The following PRPSAP2 variants were observed in gnomAD, a reference collection of about 807,000 sequenced individuals.
The protein encoded by PRPSAP2 is phosphoribosyl pyrophosphate synthetase associated protein 2, also known as phosphoribosyl pyrophosphate synthase-associated protein 2.
PRPSAP2 carries 24 observed loss-of-function variants against 40.6 expected under a neutral mutation model. The observed-to-expected ratio is 0.59, with a 90% confidence interval of 0.43 to 0.83. The LOEUF is 0.83. Ranked by LOEUF, PRPSAP2 falls within the 40% of genes least tolerant of loss-of-function variation. The pLI, the probability that PRPSAP2 is intolerant of heterozygous loss-of-function variation, is 0.00. For synonymous variants in PRPSAP2, 149 were observed against 164.7 expected (o/e 0.90, Z 0.73); for missense variants, 292 against 465.6 (o/e 0.63, Z 3.43).
chr17:18,893,741 A>G (rs975364935), intron 8 of PRPSAP2, among the ~76,000 whole-genome samples: 1 of 152,110 alleles, frequency 6.6e-6, no homozygotes, highest in African/African-American at 2.4e-5. Flanking sequence ...TTGTGTTTTT[A>G]GTAGAGACGG....
intron 8 of PRPSAP2, among the ~76,000 whole-genome samples, chr17:18,897,918 CT>C (rs1340028883): frequency 6.6e-6 from 1 of 151,094 alleles, no homozygotes; most frequent in Non-Finnish European, 1.5e-5. Flanking sequence ...TTTACTCCCC[CT>C]GTTTTTAATA....
intron 8 of PRPSAP2, among the ~76,000 whole-genome samples, chr17:18,899,693 G>A (rs916186000): frequency 3.3e-5 from 5 of 150,420 alleles, no homozygotes; most frequent in East Asian, 2.0e-4. Flanking sequence ...CGTGTCTTGC[G>A]AATTTATTTT....
intron 9 of PRPSAP2, among the ~76,000 whole-genome samples, chr17:18,916,662 A>G (rs983684398): frequency 6.6e-6 from 1 of 152,168 alleles, no homozygotes; most frequent in African/African-American, 2.4e-5. Flanking sequence ...AATTACAGGC[A>G]TGAGCCACTG....
chr17:18,894,299 A>G (rs552561892), intron 8 of PRPSAP2, among the ~76,000 whole-genome samples: 1 of 151,934 alleles, frequency 6.6e-6, no homozygotes, highest in Non-Finnish European at 1.5e-5. Flanking sequence ...AGCTGGGATT[A>G]CAGGCATGCG....
In PRPSAP2 at chr17:18,896,580, C is replaced by CTTT. The variant is rs58391876; in HGVS notation, c.584+6721_584+6723dup. On this transcript the variant is annotated intron_variant, in intron 8 of 11. Coordinates refer to ENST00000268835, the MANE Select transcript of PRPSAP2 (RefSeq NM_002767.4). The stretch of plus-strand genomic sequence containing the variant: ...TGGCCATCTCATTCCCCAGATTTTC[C>CTTT]TTTTTTTTTTTTTTTTTTTTGTCTA... Among the ~76,000 whole-genome samples the CTTT allele has an allele frequency of 6.9e-3, 728 of 104,750 alleles. 21 individuals are homozygous for CTTT. Among genetic ancestry groups the CTTT allele is most frequent in the African/African-American group, 0.021 (572 of 26,848 alleles). 68.7% of individuals were successfully genotyped at this position (104,750 alleles called of 152,430 possible).
intron 6 of PRPSAP2, among the ~76,000 whole-genome samples, chr17:18,878,635 A>G (rs12449821): frequency 0.53 from 80,396 of 151,286 alleles, 21,538 homozygotes; most frequent in Middle Eastern, 0.6. Context: ...TTCGCTCACC[A>G]CAACCTCCAC....
At chr17:18,910,019 T>C (rs910523425) in intron 8 of PRPSAP2, among the ~76,000 whole-genome samples, 1 of 152,180 alleles carries the variant, frequency 6.6e-6, no homozygotes, top group African/African-American at 2.4e-5. Context: ...CATAAATGGA[T>C]ACACTGTGAT....
chr17:18,899,221 C>A (rs1284075285), intron 8 of PRPSAP2, among the ~76,000 whole-genome samples: 2 of 151,846 alleles, frequency 1.3e-5, no homozygotes, highest in Non-Finnish European at 2.9e-5. Flanking sequence ...TGTTACAGGT[C>A]CATGGGATTC....
intron 7 of PRPSAP2, among the ~76,000 whole-genome samples, chr17:18,883,119 C>T (rs2038882269): frequency 6.6e-6 from 1 of 152,134 alleles, no homozygotes; most frequent in Non-Finnish European, 1.5e-5. Flanking sequence ...TGTCCTATCC[C>T]CCTGCCTCCT....
At chr17:18,923,787 C>A in intron 9 of PRPSAP2, 127 bp from the exon 10 acceptor site, 1 of 859,138 alleles carries the variant, frequency 1.2e-6, no homozygotes, top group South Asian at 2.1e-5. Context: ...TGCCCTTAAT[C>A]AGATTGAGGA....
chr17:18,878,615 T>G (rs1239595013), intron 6 of PRPSAP2, among the ~76,000 whole-genome samples: 1 of 152,130 alleles, frequency 6.6e-6, no homozygotes, highest in Non-Finnish European at 1.5e-5. Context: ...TGGAGTGCAA[T>G]GGCATGATCT....
chr17:18,889,761 G>A, intron 7 of PRPSAP2, 61 bp from the exon 8 acceptor site: 1 of 1,339,348 alleles, frequency 7.5e-7, no homozygotes, highest in African/African-American at 1.5e-5. Context: ...GCATTTTTGG[G>A]TCTGTTGGAA....
At position 18,911,200 on chromosome 17, in the gene PRPSAP2, C is replaced by T; in HGVS notation, c.682C>T (p.Pro228Ser). ...ESDLVDGRHS[P>S]PMVRSVAAIH... ...GGACTTGGTGGATGGACGGCATTCC[C>T]CACCCATGGTCAGAAGTGTGGCTGC... The change falls in exon 9 of 12, where the codon CCA becomes TCA. Residue 228 changes from proline to serine, a missense_variant. Pro to Ser is a moderately conservative substitution (Grantham distance 74). Coordinates refer to ENST00000268835, the MANE Select transcript of PRPSAP2 (RefSeq NM_002767.4). The surrounding 1 kb of genome is among the most constrained non-coding windows in gnomAD (Gnocchi z 4.5). 6.2e-7 allele frequency: 1 copy of T among 1,613,840 alleles called. No individual in the cohort carries two copies.
At chr17:18,920,476 G>A (rs543814380) in intron 9 of PRPSAP2, among the ~76,000 whole-genome samples, 23 of 152,182 alleles carry the variant, frequency 1.5e-4, no homozygotes, top group South Asian at 4.2e-4. Context: ...ACTACAGGCC[G>A]TCTTTGGGAA....
At chr17:18,892,668 CCTT>C (rs2039621488) in intron 8 of PRPSAP2, among the ~76,000 whole-genome samples, 1 of 146,604 alleles carries the variant, frequency 6.8e-6, no homozygotes, top group Non-Finnish European at 1.5e-5. Context: ...CTCAATCAAT[CCTT>C]CTGCCTCAGC....
rs370154326 is a variant in PRPSAP2 at position 18,913,682 on chromosome 17, G to C, written c.733+2431G>C. On this transcript the variant is annotated intron_variant, in intron 9 of 11. Transcript: ENST00000268835. ...CCCACTTCAGCCTCATGAGTAGATGGAACTACAAGCACTTGCCACCGCACC... is the reference window on the plus strand; with the variant it reads ...CCCACTTCAGCCTCATGAGTAGATGCAACTACAAGCACTTGCCACCGCACC... 1.6e-3 allele frequency among the ~76,000 whole-genome samples: 245 copies of C among 150,590 alleles called. 2 individuals carry two copies. The highest frequency in any genetic ancestry group is 5.7e-3 in the African/African-American group (234 of 40,944).
At position 18,930,703 on chromosome 17, in the gene PRPSAP2, TC is replaced by T. The variant is rs1414264910; in HGVS notation, c.*7del. The T allele has an allele frequency of 1.2e-6, 2 of 1,606,154 alleles. No homozygotes were observed. The highest frequency in any genetic ancestry group is 1.7e-6 in the Non-Finnish European group (2 of 1,175,724). ...AACATAGGCTTAGATGACTGAGTTT[TC>T]CTTTAGGAAAACTCCCGAGGGCCAA... On this transcript the variant is annotated 3_prime_UTR_variant, in exon 12 of 12. Coordinates refer to ENST00000268835, the MANE Select transcript of PRPSAP2 (RefSeq NM_002767.4).
At chr17:18,900,469 T>C (rs867874624) in intron 8 of PRPSAP2, among the ~76,000 whole-genome samples, 2 of 152,240 alleles carry the variant, frequency 1.3e-5, no homozygotes, top group South Asian at 4.1e-4. Flanking sequence ...TTTCAGCATG[T>C]CTGTCATCTT....
At chr17:18,897,478 T>TGTTGTTGTTGTTGTTG (rs765335719) in intron 8 of PRPSAP2, among the ~76,000 whole-genome samples, 1 of 151,980 alleles carries the variant, frequency 6.6e-6, no homozygotes, top group African/African-American at 2.4e-5. Context: ...TTGTTGTTGT[T>TGTTGTTGTTGTTGTTG]TAGACGGATT....
Sources: allele counts gnomAD v4.1 joint callset (sites outside exome capture counted in the v4.1 genomes callset), GRCh38; gene constraint gnomAD v4.1.1; non-coding constraint Gnocchi (gnomAD v3.1); transcripts MANE v1.5; gene names NCBI Gene and HGNC (gene_info 2026-07-23, HGNC 2026-07-21).